ANO4: variants seen among roughly 807,000 people sequenced by gnomAD.
ANO4 encodes the protein anoctamin-4.
A neutral mutation model predicts 141.9 loss-of-function variants in ANO4; 69 were observed. That is an observed-to-expected ratio of 0.49 (90% CI 0.40 to 0.59). The LOEUF (loss-of-function observed/expected upper bound fraction) is 0.59. ANO4 is among the 20% of genes least tolerant of loss of function. The probability of loss-of-function intolerance (pLI) is 0.00; values close to 1 mark genes in which losing one functional copy is unlikely to be tolerated. For missense variants in ANO4, 894 were observed against 1,162.2 expected, an observed-to-expected ratio of 0.77 and a Z score of 3.36; for synonymous variants, 350 against 394.3, an observed-to-expected ratio of 0.89 and a Z score of 1.33.
intron 8 of ANO4, among the ~76,000 whole-genome samples, chr12:101,013,236 A>G (rs1011824053): frequency 3.9e-5 from 6 of 152,206 alleles, no homozygotes; most frequent in Non-Finnish European, 1.5e-5. Flanking sequence ...CGAGATGTCA[A>G]ACAGGCAGTT....
intron 1 of ANO4, among the ~76,000 whole-genome samples, chr12:100,803,449 G>T (rs73147641): frequency 0.051 from 7,826 of 152,198 alleles, 216 homozygotes; most frequent in Non-Finnish European, 0.067. Flanking sequence ...TAGTGGAAAT[G>T]GTGCCTCGAG....
chr12:100,772,834 A>G (rs1052342957), intron 3 of ANO4, among the ~76,000 whole-genome samples: 2 of 152,206 alleles, frequency 1.3e-5, no homozygotes, highest in East Asian at 3.9e-4. Context: ...ATGATGTGTA[A>G]GGAAGATGTA....
intron 1 of ANO4, among the ~76,000 whole-genome samples, chr12:100,898,099 G>A (rs2040427492): frequency 1.3e-5 from 2 of 152,178 alleles, no homozygotes. Flanking sequence ...TTTCCCATTT[G>A]TAAAACATAG....
intron 5 of ANO4, among the ~76,000 whole-genome samples, chr12:100,949,571 G>A (rs956557272): frequency 1.6e-4 from 25 of 152,150 alleles, no homozygotes; most frequent in East Asian, 3.9e-4. Context: ...TAAATACAAC[G>A]TGTTAACACT....
chr12:101,033,091 G>A (rs1239474799), intron 9 of ANO4, among the ~76,000 whole-genome samples: 1 of 152,176 alleles, frequency 6.6e-6, no homozygotes, highest in African/African-American at 2.4e-5. Context: ...TGGTAGACTG[G>A]GTTAAGAAAA....
chr12:100,897,071 T>A (rs1803029815), intron 1 of ANO4, among the ~76,000 whole-genome samples: 1 of 152,210 alleles, frequency 6.6e-6, no homozygotes, highest in South Asian at 2.1e-4. Flanking sequence ...GGCTACAGCA[T>A]CCACATTTTA....
chr12:100,998,342 T>C (rs1394059509), intron 8 of ANO4, among the ~76,000 whole-genome samples: 6 of 152,016 alleles, frequency 3.9e-5, no homozygotes, highest in Non-Finnish European at 8.8e-5. Context: ...TTGTGGGACC[T>C]TGTGATCATG....
chr12:100,770,822 C>G (rs17030574), intron 3 of ANO4, among the ~76,000 whole-genome samples: 23,549 of 137,090 alleles, frequency 0.17, 2,073 homozygotes, highest in Middle Eastern at 0.22. Flanking sequence ...TCTGTATCTA[C>G]TTTGATTGTA....
At chr12:101,092,453 G>T (rs2049815296) in intron 17 of ANO4, among the ~76,000 whole-genome samples, 1 of 152,120 alleles carries the variant, frequency 6.6e-6, no homozygotes, top group African/African-American at 2.4e-5. Flanking sequence ...ACTTCCCGTG[G>T]TTTATCTCTC....
chr12:100,987,282 T>C, intron 7 of ANO4: 1 of 412,234 alleles, frequency 2.4e-6, no homozygotes, highest in Non-Finnish European at 4.5e-6. Context: ...TCATTTATTA[T>C]TGGCATGTGG....
intron 2 of ANO4, among the ~76,000 whole-genome samples, chr12:100,904,402 A>G (rs1028145402): frequency 2.1e-4 from 32 of 152,160 alleles, no homozygotes; most frequent in Admixed American, 2.1e-3. Flanking sequence ...TGGATAAAAG[A>G]AAAAGTAGGG....
At chr12:101,110,092 T>C (rs954332506) in intron 22 of ANO4, among the ~76,000 whole-genome samples, 2 of 152,176 alleles carry the variant, frequency 1.3e-5, no homozygotes, top group African/African-American at 4.8e-5. Context: ...GCTTCTCTTG[T>C]ATTGTCCCTA....
chr12:100,870,251 A>G (rs1437813143), intron 1 of ANO4, among the ~76,000 whole-genome samples: 1 of 152,206 alleles, frequency 6.6e-6, no homozygotes, highest in East Asian at 1.9e-4. Context: ...TTGTGCAGTT[A>G]TGCAGCAAAT....
intron 1 of ANO4, among the ~76,000 whole-genome samples, chr12:100,893,416 T>A (rs992746822): frequency 1.3e-5 from 2 of 151,882 alleles, no homozygotes; most frequent in African/African-American, 4.8e-5. Flanking sequence ...TTGTTCAGAG[T>A]TTTTTCAGGC....
intron 14 of ANO4, among the ~76,000 whole-genome samples, chr12:101,049,879 A>C (rs1364692945): frequency 6.6e-6 from 1 of 152,180 alleles, no homozygotes; most frequent in Non-Finnish European, 1.5e-5. Flanking sequence ...CAGGTTGGTG[A>C]GTGGCCTGGG....
At chr12:100,969,868 T>C (rs1351100976) in intron 5 of ANO4, among the ~76,000 whole-genome samples, 1 of 152,232 alleles carries the variant, frequency 6.6e-6, no homozygotes. Context: ...TTTACTAATT[T>C]AAACTAGCTT....
chr12:101,087,489 C>G (rs1303348355), intron 17 of ANO4, among the ~76,000 whole-genome samples: 3 of 152,100 alleles, frequency 2.0e-5, no homozygotes, highest in African/African-American at 7.2e-5. Flanking sequence ...GGCCACTGCA[C>G]TCAGCCTGGG....
chr12:100,852,450 A>G lies in ANO4; in HGVS notation c.-140-49196A>G, dbSNP rs1160186931. ...ATACAGGCTTCTTCTACTGTCCTAA[A>G]CATGTATGTGGCTATCATCCTCATG... On this transcript the variant is annotated intron_variant, in intron 1 of 27. Transcript: ENST00000392977. The G allele has an allele frequency of 2.0e-5, 3 of 152,176 alleles. No individual in the cohort carries two copies. The East Asian group carries it at 5.8e-4, about 29-fold the overall frequency. 9.4% of individuals were successfully genotyped at this position (152,176 alleles called of 1,614,324 possible).
intron 2 of ANO4, among the ~76,000 whole-genome samples, chr12:100,902,975 A>T (rs1355631445): frequency 6.6e-6 from 1 of 152,136 alleles, no homozygotes; most frequent in Non-Finnish European, 1.5e-5. Context: ...AGTCTATGAA[A>T]AGGCTCAAGC....
Sources: gnomAD v4.1 joint callset for allele counts (sites outside exome capture counted in the v4.1 genomes callset) on GRCh38, gnomAD v4.1.1 for gene constraint, MANE v1.5 for transcripts, NCBI Gene and HGNC (gene_info 2026-07-23, HGNC 2026-07-21) for gene names.